The following CCNJL variants were observed in gnomAD, a reference collection of about 807,000 sequenced individuals.
CCNJL encodes cyclin-J-like protein.
A neutral mutation model predicts 33.4 loss-of-function variants in CCNJL; 33 were observed. The observed-to-expected ratio is 0.99, with a 90% CI of 0.75 to 1.32. CCNJL has a LOEUF of 1.32. Ranked by LOEUF, CCNJL falls within the 40% of genes most tolerant of loss-of-function variation. The pLI is 0.00. For synonymous variants in CCNJL, 227 were observed against 220.9 expected (o/e 1.03, Z -0.24); for missense variants, 512 against 499.7 (o/e 1.02, Z -0.23).
chr5:160,320,867 T>TTCTTTCTTTC (rs1763441074), intron 1 of CCNJL, among the ~76,000 whole-genome samples: 2 of 144,100 alleles, frequency 1.4e-5, no homozygotes, highest in African/African-American at 5.4e-5. Context: ...CTTTCTTTCT[T>TTCTTTCTTTC]TCTCTCTTTC....
At position 160,277,627 on chromosome 5, in the gene CCNJL, G is replaced by A. The variant is rs188137046; in HGVS notation, c.280+2898C>T. On this transcript the variant is annotated intron_variant, in intron 3 of 5. Transcript: ENST00000257536. ...CACTGTGGAATGACGAAATGCTCTC[G>A]CTTCTTCTGCCTCCTCCTGTGGCCC... Among the ~76,000 whole-genome samples, 256 of 152,196 alleles carry A rather than the reference G, an allele frequency of 1.7e-3. 1 individual carries two copies. Among genetic ancestry groups the A allele is most frequent in the African/African-American group, 5.4e-3 (224 of 41,532 alleles).
At chr5:160,335,519 A>G (rs904963945) in intron 1 of CCNJL, among the ~76,000 whole-genome samples, 2 of 152,122 alleles carry the variant, frequency 1.3e-5, no homozygotes, top group Non-Finnish European at 2.9e-5. Context: ...TGCTAAAGCC[A>G]ATGGTCAACA....
intron 1 of CCNJL, among the ~76,000 whole-genome samples, chr5:160,336,519 C>A (rs1409737653): frequency 6.6e-6 from 1 of 152,230 alleles, no homozygotes; most frequent in Non-Finnish European, 1.5e-5. Context: ...CGCGGCCCTG[C>A]TGCTGACATG....
chr5:160,259,493 A>C lies in CCNJL; in HGVS notation c.559T>G (p.Tyr187Asp). The part of the protein sequence containing the change: ...TKECLKEYAH[Y>D]FLEVTLQDHI... ...CCTTGCAGGGTGACCTCTAGGAAGT[A>C]ATGGGCATACTCCTTGAGGCACTCT... The change falls in exon 4 of 6, where the codon TAC (tyrosine) becomes GAC (aspartate). Residue 187 changes from tyrosine to aspartate, a missense_variant. Transcript: ENST00000257536. 1 of 1,613,742 alleles carries C rather than the reference A, an allele frequency of 6.2e-7. No homozygotes were observed. Among genetic ancestry groups the C allele is most frequent in the Non-Finnish European group, 8.5e-7 (1 of 1,179,794 alleles).
chr5:160,336,305 A>G (rs770993918), intron 1 of CCNJL, among the ~76,000 whole-genome samples: 1 of 152,216 alleles, frequency 6.6e-6, no homozygotes, highest in African/African-American at 2.4e-5. Context: ...TCTTGAGGTG[A>G]GAAGATCTCT....
chr5:160,267,159 C>T (rs571067820), intron 3 of CCNJL, among the ~76,000 whole-genome samples: 1 of 152,294 alleles, frequency 6.6e-6, no homozygotes, highest in South Asian at 2.1e-4. Flanking sequence ...CGAGGCCCAA[C>T]GCACAGCAGG....
At position 160,253,411 on chromosome 5, in the gene CCNJL, G is replaced by A. The variant is rs183560299; in HGVS notation, c.1131C>T (p.Ser377=). The A allele has an allele frequency of 1.4e-3, 2,170 of 1,597,632 alleles. 1 individual carries two copies. Among genetic ancestry groups the A allele is most frequent in the Middle Eastern group, 2.5e-3 (15 of 5,990 alleles). ...TTYGSSYFSG[S]HMFPTGCFDR ...CAAAGCAGCCGGTGGGGAACATGTG[G>A]CTCCCACTGAAGTAGCTGCTTCCAT... The change falls in exon 6 of 6, where the codon AGC becomes AGT. Residue 377 remains serine, a synonymous_variant. Coordinates refer to ENST00000257536, the MANE Select transcript of CCNJL (RefSeq NM_001308173.3).
At chr5:160,308,383 C>T (rs1219482324) in intron 2 of CCNJL, among the ~76,000 whole-genome samples, 2 of 152,210 alleles carry the variant, frequency 1.3e-5, no homozygotes, top group Non-Finnish European at 2.9e-5. Context: ...CACTGAGGCC[C>T]CCGCAAGGAA....
At chr5:160,299,477 T>C (rs1437618334) in intron 2 of CCNJL, among the ~76,000 whole-genome samples, 1 of 152,098 alleles carries the variant, frequency 6.6e-6, no homozygotes, top group Non-Finnish European at 1.5e-5. Flanking sequence ...AAAAATGTAA[T>C]GCATGGACTT....
intron 2 of CCNJL, among the ~76,000 whole-genome samples, chr5:160,287,468 T>C (rs1034052645): frequency 6.6e-6 from 1 of 152,210 alleles, no homozygotes; most frequent in African/African-American, 2.4e-5. Context: ...TTCTTTGTCA[T>C]GGAAATAACA....
chr5:160,337,611 G>C (rs894481010), intron 1 of CCNJL, among the ~76,000 whole-genome samples: 3 of 152,068 alleles, frequency 2.0e-5, no homozygotes, highest in Non-Finnish European at 4.4e-5. Context: ...CCACCTTAGG[G>C]ACGTTGCATT....
At chr5:160,332,747 T>C (rs981222600) in intron 1 of CCNJL, among the ~76,000 whole-genome samples, 21 of 152,222 alleles carry the variant, frequency 1.4e-4, no homozygotes, top group African/African-American at 5.1e-4. Flanking sequence ...CAGCCACCTA[T>C]TATAGTTTCA....
intron 1 of CCNJL, among the ~76,000 whole-genome samples, chr5:160,319,945 T>G (rs1383479006): frequency 2.0e-5 from 3 of 151,738 alleles, no homozygotes; most frequent in Non-Finnish European, 4.4e-5. Flanking sequence ...AATAAATAAA[T>G]AAATAAATAA....
At chr5:160,317,309 A>G (rs1431317799), upstream of CCNJL, among the ~76,000 whole-genome samples, 5 of 152,242 alleles carry the variant, frequency 3.3e-5, no homozygotes, top group Non-Finnish European at 7.3e-5. Flanking sequence ...TAGGACATTC[A>G]TAAAGCTGGT....
chr5:160,258,701 AAAAC>A, intron 4 of CCNJL: 4 of 749,450 alleles, frequency 5.3e-6, no homozygotes. Flanking sequence ...TCTATTGTAA[AAAAC>A]AAACAAAAAA....
intron 2 of CCNJL, among the ~76,000 whole-genome samples, chr5:160,288,424 C>A (rs1215969536): frequency 6.6e-6 from 1 of 152,226 alleles, no homozygotes; most frequent in Non-Finnish European, 1.5e-5. Flanking sequence ...TTAACAAAAT[C>A]TGCCCTGTCA....
In CCNJL at chr5:160,277,744, GT is replaced by G. The variant is rs57967385; in HGVS notation, c.280+2780del. 1.9e-3 allele frequency among the ~76,000 whole-genome samples: 235 copies of G among 125,220 alleles called. 1 individual carries two copies. The East Asian group carries it at 0.029, about 15-fold the overall frequency. The allele number at this position is 125,220 out of a possible 152,430, so 82.1% of individuals were successfully genotyped here. ...TCCCATCTCTGCTTCCTGTCTATCT[GT>G]TTTTTTTTTTTTTTTTTGAGATGGA... On this transcript the variant is annotated intron_variant, in intron 3 of 5. Transcript: ENST00000257536.
chr5:160,265,519 T>C (rs1018249081), intron 3 of CCNJL, among the ~76,000 whole-genome samples: 5 of 152,058 alleles, frequency 3.3e-5, no homozygotes, highest in Admixed American at 2.6e-4. Context: ...GCGCCTGTAG[T>C]CCCAGCTACT....
chr5:160,288,817 C>T (rs924546853), intron 2 of CCNJL, among the ~76,000 whole-genome samples: 146 of 130,690 alleles, frequency 1.1e-3, no homozygotes, highest in African/African-American at 4.0e-3. Context: ...GGCGACAGAG[C>T]GAGACTCTGT....
Sources: gnomAD v4.1 joint callset for allele counts (sites outside exome capture counted in the v4.1 genomes callset) on GRCh38, gnomAD v4.1.1 for gene constraint, MANE v1.5 for transcripts, NCBI Gene and HGNC (gene_info 2026-07-23, HGNC 2026-07-21) for gene names.